Variants in SLC2A7 observed in about 807,000 individuals in gnomAD.
The protein encoded by SLC2A7 is solute carrier family 2 member 7.
A neutral mutation model predicts 50.5 loss-of-function variants in SLC2A7; 50 were observed. The ratio of observed to expected loss-of-function variants is 0.99; its 90% confidence interval spans 0.79 to 1.25. The LOEUF is 1.25. SLC2A7 is among the 50% of genes most tolerant of loss of function. SLC2A7 has a pLI of 0.00. For missense variants in SLC2A7, 683 were observed against 679.1 expected (o/e 1.01, Z -0.06); for synonymous variants, 308 against 300.4 (o/e 1.03, Z -0.26).
chr1:8,994,252 A>G, the SLC2A7 span, among the ~76,000 whole-genome samples: 1 of 152,156 alleles, frequency 6.6e-6, no homozygotes, highest in African/African-American at 2.4e-5. Flanking sequence ...CCTCCTGGGA[A>G]CCTTGGCCTG....
At chr1:9,007,454 G>T in intron 9 of SLC2A7, 69 bp from the exon 10 acceptor site, 1 of 1,472,842 alleles carries the variant, frequency 6.8e-7, no homozygotes, top group Non-Finnish European at 9.4e-7. Context: ...CCACCTGCGG[G>T]TCCCACCTTC....
Position 9,014,877 on chromosome 1 carries a change from A to G in SLC2A7, c.716-9T>C, listed in dbSNP as rs775302926. ...TCTCAGCCTCCTCAGAGCTGCGGAA[A>G]GCAGAACCACCCGCTCAGAGGGCCG... On this transcript the variant is annotated splice_polypyrimidine_tract_variant and intron_variant, in intron 6 of 11. Transcript: ENST00000400906. 6.3e-7 allele frequency: 1 copy of G among 1,585,146 alleles called. No homozygotes were observed. The highest frequency in any genetic ancestry group is 8.6e-7 in the Non-Finnish European group (1 of 1,166,212).
At chr1:9,002,546 CAT>C (rs1162775994), downstream of SLC2A7, among the ~76,000 whole-genome samples, 4 of 152,298 alleles carry the variant, frequency 2.6e-5, no homozygotes, top group African/African-American at 7.2e-5. Flanking sequence ...CCTTTGCTCA[CAT>C]GTTTTCCTGC....
chr1:9,004,742 C>CCTCA lies in SLC2A7; in HGVS notation c.1320+6_1320+9dup, dbSNP rs762375275. On this transcript the variant is annotated intron_variant, in intron 11 of 11. Transcript: ENST00000400906. Reference sequence around the variant, plus strand: ...CGGTGGAGCGGGTTGGGGAAGGGGCCCTCACTCACCTGGATGGATGGGAAC... The same window carrying CCTCA: ...CGGTGGAGCGGGTTGGGGAAGGGGCCCTCACTCACTCACCTGGATGGATGGGAAC... The CCTCA allele has an allele frequency of 6.2e-7, 1 of 1,613,748 alleles. No homozygotes were observed.
At chr1:9,017,495 C>A (rs967586397) in intron 5 of SLC2A7, among the ~76,000 whole-genome samples, 1 of 152,198 alleles carries the variant, frequency 6.6e-6, no homozygotes, top group Non-Finnish European at 1.5e-5. Context: ...ACAGGCCTCG[C>A]GGGGTCTCCC....
chr1:9,015,398 C>T (rs550337189), intron 5 of SLC2A7, among the ~76,000 whole-genome samples, 156 bp from the exon 6 acceptor site: 6 of 152,268 alleles, frequency 3.9e-5, no homozygotes, highest in East Asian at 1.9e-4. Flanking sequence ...ACATTCAAAA[C>T]GGAGGGAATC....
intron 9 of SLC2A7, among the ~76,000 whole-genome samples, chr1:9,009,723 G>A (rs1434764951): frequency 3.3e-5 from 5 of 152,226 alleles, no homozygotes; most frequent in Admixed American, 6.5e-5. Flanking sequence ...CTCCCAAAGT[G>A]CTAGGATTGC....
chr1:8,999,899 A>T (rs1471355278), downstream of SLC2A7, among the ~76,000 whole-genome samples: 2 of 152,144 alleles, frequency 1.3e-5, no homozygotes, highest in Non-Finnish European at 2.9e-5. Flanking sequence ...CTCTGGGATG[A>T]GCGTGCAGGG....
At chr1:8,995,123 G>A in the SLC2A7 span, among the ~76,000 whole-genome samples, 3 of 150,118 alleles carry the variant, frequency 2.0e-5, no homozygotes, top group South Asian at 2.2e-4. Flanking sequence ...GTGCACAAAC[G>A]CCAAAAGACA....
chr1:9,006,998 C>A (rs1640661898), intron 10 of SLC2A7, among the ~76,000 whole-genome samples: 1 of 152,102 alleles, frequency 6.6e-6, no homozygotes, highest in African/African-American at 2.4e-5. Context: ...CCAAGGTGCC[C>A]CAGGGGTGTC....
At chr1:9,022,473 C>T (rs1337417151) in intron 3 of SLC2A7, among the ~76,000 whole-genome samples, 3 of 152,110 alleles carry the variant, frequency 2.0e-5, no homozygotes, top group South Asian at 2.1e-4. Flanking sequence ...AGACAGTGGC[C>T]GGCAGCGTGA....
intron 5 of SLC2A7, among the ~76,000 whole-genome samples, chr1:9,017,753 C>A (rs554744805): frequency 1.3e-5 from 2 of 152,184 alleles, no homozygotes; most frequent in South Asian, 4.1e-4. Context: ...ATCTCCACCA[C>A]GACCCCCACT....
At chr1:8,995,116 C>T in the SLC2A7 span, among the ~76,000 whole-genome samples, 2 of 151,154 alleles carry the variant, frequency 1.3e-5, no homozygotes, top group African/African-American at 4.9e-5. Context: ...CCACCAGGTG[C>T]ACAAACGCCA....
At chr1:8,999,449 G>A (rs929363461), downstream of SLC2A7, among the ~76,000 whole-genome samples, 12 of 152,188 alleles carry the variant, frequency 7.9e-5, no homozygotes, top group African/African-American at 2.9e-4. Context: ...CTGGGCAGAA[G>A]CCAGTTAGCT....
chr1:9,013,751 G>C, intron 7 of SLC2A7, 116 bp from the exon 8 acceptor site: 2 of 797,660 alleles, frequency 2.5e-6, no homozygotes, highest in East Asian at 2.9e-5. Context: ...CCTGGGACAG[G>C]AAGAGGGTAG....
At chr1:9,009,146 T>C (rs969227896) in intron 9 of SLC2A7, among the ~76,000 whole-genome samples, 2 of 152,214 alleles carry the variant, frequency 1.3e-5, no homozygotes, top group African/African-American at 4.8e-5. Flanking sequence ...ATCTTGGCTC[T>C]ACATGACAGA....
chr1:9,024,436 A>G (rs1009599304), intron 2 of SLC2A7, among the ~76,000 whole-genome samples: 3 of 152,200 alleles, frequency 2.0e-5, no homozygotes, highest in Non-Finnish European at 2.9e-5. Flanking sequence ...GTAAGCATAG[A>G]CGTATACCAA....
Position 9,019,335 on chromosome 1 carries a change from T to A in SLC2A7, c.312-2A>T. The A allele has an allele frequency of 6.2e-7, 1 of 1,613,866 alleles. No homozygotes were observed. Among genetic ancestry groups the A allele is most frequent in the Non-Finnish European group, 8.5e-7 (1 of 1,179,844 alleles). On this transcript the variant is annotated splice_acceptor_variant, in intron 3 of 11. Transcript: ENST00000400906. LOFTEE classifies it high-confidence loss of function. ...TTGTTGATCAGCAGGGTCCCCTTTCTGCAAAGACAGTGAGCCCAGAGGGCA... is the reference window on the plus strand; with the variant it reads ...TTGTTGATCAGCAGGGTCCCCTTTCAGCAAAGACAGTGAGCCCAGAGGGCA...
chr1:9,005,305 G>A (rs917409005), intron 10 of SLC2A7, among the ~76,000 whole-genome samples: 1 of 152,152 alleles, frequency 6.6e-6, no homozygotes, highest in African/African-American at 2.4e-5. Context: ...TCCTATGGCG[G>A]ATCTGGGTAT....
Sources: gnomAD v4.1 joint callset for allele counts (sites outside exome capture counted in the v4.1 genomes callset) on GRCh38, gnomAD v4.1.1 for gene constraint, MANE v1.5 for transcripts, NCBI Gene and HGNC (gene_info 2026-07-23, HGNC 2026-07-21) for gene names.